C16orf96: variants seen among roughly 807,000 people sequenced by gnomAD.
C16orf96 encodes the protein uncharacterized protein C16orf96.
Under a neutral mutation model 103.6 loss-of-function variants are expected in C16orf96, and 108 were observed. The observed-to-expected ratio is 1.04, with a 90% CI of 0.89 to 1.22. The LOEUF is 1.22. C16orf96 is among the 50% of genes most tolerant of loss of function. C16orf96 has a pLI of 0.00. For synonymous variants in C16orf96, 566 were observed against 593.5 expected (o/e 0.95, Z 0.67); for missense variants, 1,586 against 1,464.2 (o/e 1.08, Z -1.36).
chr16:4,570,396 C>A (rs1284277411), intron 1 of C16orf96, among the ~76,000 whole-genome samples: 1 of 149,692 alleles, frequency 6.7e-6, no homozygotes, highest in Non-Finnish European at 1.5e-5. Flanking sequence ...ATTATTATAT[C>A]TTCCAGATAG....
At chr16:4,555,835 T>G (rs367766323), upstream of C16orf96, among the ~76,000 whole-genome samples, 7 of 151,888 alleles carry the variant, frequency 4.6e-5, no homozygotes, top group East Asian at 1.4e-3. Context: ...TAGCTGGGAC[T>G]ACAGATGTGC....
the C16orf96 span, among the ~76,000 whole-genome samples, chr16:4,540,945 C>A: frequency 1.4e-5 from 2 of 146,510 alleles, no homozygotes; most frequent in African/African-American, 5.0e-5. Context: ...GATGGAGTCT[C>A]GCTCTGTCAC....
At chr16:4,579,100 C>A (rs1486936519) in intron 6 of C16orf96, 75 bp downstream of exon 6, 5 of 1,319,214 alleles carry the variant, frequency 3.8e-6, no homozygotes, top group Middle Eastern at 1.8e-4. Flanking sequence ...CTTGACTCTG[C>A]CCCCCTCCCA....
chr16:4,547,839 G>A, the C16orf96 span, among the ~76,000 whole-genome samples: 2 of 122,006 alleles, frequency 1.6e-5, no homozygotes, highest in South Asian at 3.0e-4. Flanking sequence ...TCCCAGTATT[G>A]CCCAGGTTAG....
upstream of C16orf96, among the ~76,000 whole-genome samples, chr16:4,551,526 A>G (rs1448016308): frequency 6.6e-6 from 1 of 152,080 alleles, no homozygotes; most frequent in Admixed American, 6.6e-5. Flanking sequence ...ATCTTGGCTC[A>G]CTGCACGCTC....
intron 1 of C16orf96, among the ~76,000 whole-genome samples, 200 bp from the exon 2 acceptor site, chr16:4,571,361 C>G (rs2059436341): frequency 6.6e-6 from 1 of 152,186 alleles, no homozygotes; most frequent in African/African-American, 2.4e-5. Context: ...AGAGTTGCCT[C>G]CTTCTCATCC....
At chr16:4,548,014 A>G in the C16orf96 span, among the ~76,000 whole-genome samples, 4 of 152,242 alleles carry the variant, frequency 2.6e-5, no homozygotes, top group East Asian at 7.7e-4. Context: ...CAAATATACT[A>G]AAAGCCATTG....
rs1390898257 is a variant in C16orf96, at chr16:4,588,345, T to A, written c.2592+14T>A. The A allele has an allele frequency of 6.5e-7, 1 of 1,540,274 alleles. No homozygotes were observed. The highest frequency in any genetic ancestry group is 1.4e-5 in the African/African-American group (1 of 72,886). ...GTGAACACCAAGGTGAATGCCCCCATGTTGATTTTCACTTTATTCCTAACA... is the reference window on the plus strand; with the variant it reads ...GTGAACACCAAGGTGAATGCCCCCAAGTTGATTTTCACTTTATTCCTAACA... On this transcript the variant is annotated intron_variant, in intron 9 of 15. Coordinates refer to ENST00000444310, the MANE Select transcript of C16orf96 (RefSeq NM_001145011.2).
At position 4,557,984 on chromosome 16, in the gene C16orf96, A is replaced by G. The variant is rs895011196; in HGVS notation, c.420+1075A>G. 1.3e-5 allele frequency among the ~76,000 whole-genome samples: 2 copies of G among 152,164 alleles called. 1 individual carries two copies. The highest frequency in any genetic ancestry group is 4.1e-4 in the South Asian group (2 of 4,828). ...TGTGCTCAGCCTTACCCCAATTTCT[A>G]AAAAATGCCTGGAGGAGCTACCATG... On this transcript the variant is annotated intron_variant, in intron 1 of 15. Coordinates refer to ENST00000444310, the MANE Select transcript of C16orf96 (RefSeq NM_001145011.2).
intron 7 of C16orf96, among the ~76,000 whole-genome samples, chr16:4,583,765 A>C (rs542738665): frequency 6.6e-6 from 1 of 151,830 alleles, no homozygotes. Flanking sequence ...TCTACTAAAA[A>C]TACAAAAAAA....
At chr16:4,570,465 T>C (rs79207048) in intron 1 of C16orf96, among the ~76,000 whole-genome samples, 5 of 2,838 alleles carry the variant, frequency 1.8e-3, no homozygotes, top group Non-Finnish European at 3.4e-3. Context: ...ACAACACGCT[T>C]TTTTTTTTTT....
intron 14 of C16orf96, among the ~76,000 whole-genome samples, chr16:4,595,990 C>T (rs527824460): frequency 3.9e-5 from 6 of 152,008 alleles, no homozygotes; most frequent in African/African-American, 1.4e-4. Flanking sequence ...CCTGGCCCAC[C>T]GGCAGAAATT....
intron 7 of C16orf96, among the ~76,000 whole-genome samples, chr16:4,581,136 GTATACATATATATATATA>G (rs1426901373): frequency 4.9e-5 from 2 of 40,776 alleles, no homozygotes; most frequent in Non-Finnish European, 1.1e-4. Context: ...AAATATATAT[GTATACATATATATATATA>G]TATATATATA....
rs372103749 is a variant in C16orf96 at position 4,593,536 on chromosome 16, A to G, written c.2867+220A>G. Among the ~76,000 whole-genome samples, 4 of 150,058 alleles carry G rather than the reference A, an allele frequency of 2.7e-5. No individual in the cohort carries two copies. The highest frequency in any genetic ancestry group is 9.8e-5 in the African/African-American group (4 of 40,818). On this transcript the variant is annotated intron_variant, in intron 12 of 15. Coordinates refer to ENST00000444310, the MANE Select transcript of C16orf96 (RefSeq NM_001145011.2). This position sits in a 1 kb window ranked among gnomAD's most constrained non-coding sequence, Gnocchi z 4.2. ...AGGGAGGAACTGACATATTTACTGC[A>G]CATCTATTGTGGGCCAGGAACTGTT...
the C16orf96 span, among the ~76,000 whole-genome samples, chr16:4,550,167 C>A: frequency 4.8e-4 from 72 of 151,512 alleles, 1 homozygote; most frequent in Admixed American, 3.8e-3. Flanking sequence ...TCACTGCAAC[C>A]TCTGCCTCTC....
chr16:4,539,225 C>T, the C16orf96 span, among the ~76,000 whole-genome samples: 1 of 152,198 alleles, frequency 6.6e-6, no homozygotes, highest in Non-Finnish European at 1.5e-5. Context: ...CCAGGTTGTC[C>T]TTGTTCATTC....
the C16orf96 span, among the ~76,000 whole-genome samples, chr16:4,541,126 C>G: frequency 8.5e-5 from 13 of 152,066 alleles, no homozygotes; most frequent in Non-Finnish European, 1.0e-4. Context: ...GTTGGTCAGG[C>G]TGGTGTCGAT....
chr16:4,564,858 T>C (rs1616588), intron 1 of C16orf96, among the ~76,000 whole-genome samples: 145,478 of 152,290 alleles, frequency 0.96, 69,832 homozygotes, highest in East Asian at 1. Flanking sequence ...TTAACTATTT[T>C]GTAACATTGC....
chr16:4,573,770 A>AG (rs2059467602), intron 2 of C16orf96, among the ~76,000 whole-genome samples: 1 of 147,340 alleles, frequency 6.8e-6, no homozygotes, highest in African/African-American at 2.5e-5. Context: ...AAAAAAAAGA[A>AG]AAAAGAAAAG....
Sources: allele counts gnomAD v4.1 joint callset (sites outside exome capture counted in the v4.1 genomes callset), GRCh38; gene constraint gnomAD v4.1.1; non-coding constraint Gnocchi (gnomAD v3.1); transcripts MANE v1.5; gene names NCBI Gene and HGNC (gene_info 2026-07-23, HGNC 2026-07-21).